Variants in GRIA2 observed in about 807,000 individuals in gnomAD.
GRIA2 encodes glutamate receptor 2.
A neutral mutation model predicts 97.3 loss-of-function variants in GRIA2; 14 were observed. The ratio of observed to expected loss-of-function variants is 0.14; its 90% CI spans 0.10 to 0.23. The LOEUF (loss-of-function observed/expected upper bound fraction) is 0.23. Among genes scored for constraint, GRIA2 ranks in the 10% least tolerant of loss-of-function variants. The probability of loss-of-function intolerance (pLI) is 1.00; values close to 1 mark genes in which losing one functional copy is unlikely to be tolerated. For missense variants in GRIA2, 558 were observed against 1,069.8 expected, an observed-to-expected ratio of 0.52 and a Z score of 6.67; for synonymous variants, 412 against 387.8, an observed-to-expected ratio of 1.06 and a Z score of -0.73.
At chr4:157,268,335 T>C (rs1041765480) in intron 2 of GRIA2, among the ~76,000 whole-genome samples, 17 of 152,072 alleles carry the variant, frequency 1.1e-4, no homozygotes, top group Non-Finnish European at 2.9e-5. Flanking sequence ...GTATCAAATA[T>C]TATTGAAATA....
intron 2 of GRIA2, among the ~76,000 whole-genome samples, chr4:157,241,044 A>AT (rs1730486987): frequency 6.6e-6 from 1 of 152,016 alleles, no homozygotes; most frequent in Non-Finnish European, 1.5e-5. Flanking sequence ...TGAACTCATC[A>AT]TTTTTTATGG....
chr4:157,252,298 C>A (rs918185629), intron 2 of GRIA2, among the ~76,000 whole-genome samples: 3 of 152,108 alleles, frequency 2.0e-5, no homozygotes, highest in African/African-American at 7.2e-5. Context: ...CTGGGCCACT[C>A]TTCTGTCATA....
intron 2 of GRIA2, among the ~76,000 whole-genome samples, chr4:157,251,133 T>C (rs533381620): frequency 1.4e-4 from 22 of 152,058 alleles, no homozygotes; most frequent in Non-Finnish European, 2.6e-4. Flanking sequence ...AAAAATTTCA[T>C]TGTCATTTTA....
Position 157,221,000 on chromosome 4 carries a change from A to G in GRIA2, c.-43A>G, listed in dbSNP as rs758237847. ...CCAAAGAAGGAAGAGGAGGAAAAGG[A>G]AAAAAAAAGGGGTATATTGTGGATG... is the stretch of plus-strand genomic sequence containing the variant. On this transcript the variant is annotated 5_prime_UTR_variant, in exon 1 of 16. Transcript: ENST00000264426. The G allele has an allele frequency of 9.6e-6, 9 of 936,880 alleles. No individual in the cohort carries two copies. The highest frequency in any genetic ancestry group is 1.2e-5 in the Non-Finnish European group (7 of 574,518). 58.0% of individuals were successfully genotyped at this position (936,880 alleles called of 1,614,324 possible).
At chr4:157,278,408 G>A (rs971630143) in intron 2 of GRIA2, among the ~76,000 whole-genome samples, 2 of 151,730 alleles carry the variant, frequency 1.3e-5, no homozygotes, top group African/African-American at 4.8e-5. Flanking sequence ...CAGGAACAAC[G>A]GAATATTCAA....
chr4:157,225,845 T>C (rs1729721007), intron 2 of GRIA2, among the ~76,000 whole-genome samples: 1 of 151,904 alleles, frequency 6.6e-6, no homozygotes, highest in Non-Finnish European at 1.5e-5. Flanking sequence ...TATTAATATA[T>C]ATATACACCA....
intron 2 of GRIA2, among the ~76,000 whole-genome samples, chr4:157,250,658 C>T (rs1428930903): frequency 6.6e-6 from 1 of 152,040 alleles, no homozygotes; most frequent in Non-Finnish European, 1.5e-5. Context: ...AACACATAAA[C>T]TTCACTCCCA....
intron 12 of GRIA2, chr4:157,342,420 A>G (rs1369183224): frequency 1.0e-6 from 1 of 984,016 alleles, no homozygotes; most frequent in Admixed American, 6.2e-5. Flanking sequence ...ATGGCTAATA[A>G]CAGATAGTAA....
chr4:157,315,531 GT>G (rs1553955008), intron 4 of GRIA2, among the ~76,000 whole-genome samples: 2,588 of 66,608 alleles, frequency 0.039, 70 homozygotes, highest in African/African-American at 0.14. Flanking sequence ...TTGTTTGTTT[GT>G]TTTGTTTTGT....
At chr4:157,307,643 A>G (rs1021929732) in intron 3 of GRIA2, among the ~76,000 whole-genome samples, 1 of 152,246 alleles carries the variant, frequency 6.6e-6, no homozygotes, top group Admixed American at 6.5e-5. Flanking sequence ...TTTTGGATAT[A>G]TATGTTGTAA....
intron 2 of GRIA2, among the ~76,000 whole-genome samples, chr4:157,254,183 C>A (rs7694436): frequency 0.029 from 4,445 of 151,908 alleles, 70 homozygotes; most frequent in Middle Eastern, 0.085. Context: ...TTATATTAAT[C>A]TACCAATGAT....
chr4:157,315,519 GTTTGTTTGTTTGT>G (rs1471311698), intron 4 of GRIA2, among the ~76,000 whole-genome samples: 3 of 136,380 alleles, frequency 2.2e-5, no homozygotes, highest in African/African-American at 9.4e-5. Context: ...GTTTTTTTTT[GTTTGTTTGTTTGT>G]TTTGTTTTGT....
At chr4:157,221,925 TGA>T in intron 2 of GRIA2, 118 bp downstream of exon 2, 1 of 914,518 alleles carries the variant, frequency 1.1e-6, no homozygotes. Flanking sequence ...TGTGTGGGTG[TGA>T]GTGACTGCAC....
chr4:157,325,980 C>T (rs1734787472), intron 6 of GRIA2, among the ~76,000 whole-genome samples: 1 of 152,256 alleles, frequency 6.6e-6, no homozygotes, highest in South Asian at 2.1e-4. Flanking sequence ...CTCTCCATTT[C>T]ACTTGGAGTA....
chr4:157,268,649 A>C (rs1014985526), intron 2 of GRIA2, among the ~76,000 whole-genome samples: 1 of 152,022 alleles, frequency 6.6e-6, no homozygotes, highest in Non-Finnish European at 1.5e-5. Context: ...GTATACTCCA[A>C]AAAATTCCTT....
At chr4:157,274,875 A>T (rs569384582) in intron 2 of GRIA2, among the ~76,000 whole-genome samples, 1 of 151,754 alleles carries the variant, frequency 6.6e-6, no homozygotes, top group Admixed American at 6.6e-5. Context: ...TCCTTTGGGT[A>T]TATACCCAGT....
chr4:157,232,555 A>G (rs962239338), intron 2 of GRIA2, among the ~76,000 whole-genome samples: 1 of 152,142 alleles, frequency 6.6e-6, no homozygotes, highest in Non-Finnish European at 1.5e-5. Context: ...TTTAGTTTTT[A>G]CTAGTTTATG....
chr4:157,355,963 G>A (rs377416414), intron 12 of GRIA2, among the ~76,000 whole-genome samples: 16,798 of 30,116 alleles, frequency 0.56, 3,059 homozygotes, highest in African/African-American at 0.61. Context: ...ATATATTTAT[G>A]TATATTAATA....
intron 6 of GRIA2, among the ~76,000 whole-genome samples, chr4:157,322,679 T>A (rs534876083): frequency 6.6e-6 from 1 of 152,292 alleles, no homozygotes; most frequent in South Asian, 2.1e-4. Flanking sequence ...AAAGTTAAGA[T>A]GATGTTCACA....
Sources: allele counts gnomAD v4.1 joint callset (sites outside exome capture counted in the v4.1 genomes callset), GRCh38; gene constraint gnomAD v4.1.1; transcripts MANE v1.5; gene names NCBI Gene and HGNC (gene_info 2026-07-23, HGNC 2026-07-21).